Variants in AGBL1 observed in about 807,000 individuals in gnomAD.
AGBL1 encodes AGBL carboxypeptidase 1, also known as cytosolic carboxypeptidase 4.
In AGBL1, 130 loss-of-function variants were observed where a neutral mutation model predicts 118.9. That is an observed-to-expected ratio of 1.09 (90% confidence interval 0.95 to 1.26). The LOEUF (loss-of-function observed/expected upper bound fraction) is 1.26. AGBL1 is among the 50% of genes most tolerant of loss of function. AGBL1 has a pLI of 0.00. For synonymous variants in AGBL1, 555 were observed against 478.9 expected (o/e 1.16, Z -2.08); for missense variants, 1,584 against 1,298.1 (o/e 1.22, Z -3.38).
intron 23 of AGBL1, among the ~76,000 whole-genome samples, chr15:86,928,784 T>C (rs2080574363): frequency 6.6e-6 from 1 of 152,238 alleles, no homozygotes; most frequent in Admixed American, 6.5e-5. Context: ...AATTAAGTTG[T>C]CTCTCATATT....
chr15:86,228,297 A>G (rs2078399626), intron 6 of AGBL1, among the ~76,000 whole-genome samples: 1 of 152,168 alleles, frequency 6.6e-6, no homozygotes, highest in South Asian at 2.1e-4. Flanking sequence ...ACCATCTGGC[A>G]CTGATATCTG....
At chr15:86,564,335 C>A (rs4454938) in intron 21 of AGBL1, among the ~76,000 whole-genome samples, 93,117 of 151,640 alleles carry the variant, frequency 0.61, 28,896 homozygotes, top group East Asian at 0.89. Flanking sequence ...GGAGGTGACA[C>A]AATCTCTCAG....
intron 22 of AGBL1, among the ~76,000 whole-genome samples, chr15:86,879,838 A>T (rs1182609806): frequency 6.6e-6 from 1 of 152,166 alleles, no homozygotes; most frequent in African/African-American, 2.4e-5. Flanking sequence ...CAGCCACATC[A>T]TCTTTTGCCA....
At chr15:86,455,489 T>C (rs527353685) in intron 18 of AGBL1, among the ~76,000 whole-genome samples, 8 of 152,280 alleles carry the variant, frequency 5.3e-5, no homozygotes, top group Non-Finnish European at 1.2e-4. Flanking sequence ...TAATGTAAAA[T>C]TGTTATGATT....
At position 86,880,323 on chromosome 15, in the gene AGBL1, A is replaced by G. The variant is rs548843306; in HGVS notation, c.3159-26764A>G. Among the ~76,000 whole-genome samples the G allele has an allele frequency of 2.6e-5, 4 of 152,314 alleles. No homozygotes were observed. The South Asian group carries it at 8.3e-4, about 32-fold the overall frequency. On this transcript the variant is annotated intron_variant, in intron 22 of 22. Transcript: ENST00000614907. ...TGCAGACCCTTCACTGGGAGCTGCC[A>G]TTCATGTGAAATGCTATTCATAACT...
chr15:87,024,487 A>G (rs2081704442), intron 24 of AGBL1, among the ~76,000 whole-genome samples: 1 of 151,958 alleles, frequency 6.6e-6, no homozygotes, highest in Non-Finnish European at 1.5e-5. Flanking sequence ...TGGTAACGTA[A>G]AAATTACCAA....
At chr15:86,981,668 G>C (rs1192469067) in intron 23 of AGBL1, among the ~76,000 whole-genome samples, 2 of 151,844 alleles carry the variant, frequency 1.3e-5, no homozygotes, top group Non-Finnish European at 2.9e-5. Context: ...ACCTTTTTTT[G>C]AGTTTGAAAT....
chr15:87,020,345 C>A (rs1223847075), intron 24 of AGBL1, among the ~76,000 whole-genome samples: 1 of 152,098 alleles, frequency 6.6e-6, no homozygotes, highest in Non-Finnish European at 1.5e-5. Context: ...ACTGAAGGAA[C>A]ATACCTTAAA....
At chr15:86,875,019 C>G (rs543133028) in intron 22 of AGBL1, among the ~76,000 whole-genome samples, 2 of 152,052 alleles carry the variant, frequency 1.3e-5, no homozygotes, top group African/African-American at 4.8e-5. Flanking sequence ...TTTTGCAGTT[C>G]AGAAAACAAA....
intron 23 of AGBL1, among the ~76,000 whole-genome samples, chr15:86,957,416 T>C (rs1173058397): frequency 6.6e-6 from 1 of 152,060 alleles, no homozygotes; most frequent in Non-Finnish European, 1.5e-5. Context: ...TTTTCTCAGA[T>C]AGAGGTATGT....
rs372045551 is a variant in AGBL1 at position 86,256,872 on chromosome 15, G to T, written c.755G>T (p.Ser252Ile). The change falls in exon 8 of 23, where the codon AGC (serine) becomes ATC (isoleucine). Residue 252 changes from serine (S) to isoleucine (I), a missense_variant. Coordinates refer to ENST00000614907, the MANE Select transcript of AGBL1 (RefSeq NM_001386094.1). ...GCTCAGAACTGCCTGGATGACAAGAGCATGGAGCCCGTCATCTCTGTGGTG... is the reference window on the plus strand; with the variant it reads ...GCTCAGAACTGCCTGGATGACAAGATCATGGAGCCCGTCATCTCTGTGGTG... ...STTQNCLDDKSMEPVISVVLQ... is the reference protein window; with the variant it reads ...STTQNCLDDKIMEPVISVVLQ... The T allele has an allele frequency of 1.4e-5, 22 of 1,613,784 alleles. No homozygotes were observed. The South Asian group carries it at 2.4e-4, about 18-fold the overall frequency.
At chr15:86,770,746 G>T (rs1180389631) in intron 22 of AGBL1, among the ~76,000 whole-genome samples, 1 of 151,958 alleles carries the variant, frequency 6.6e-6, no homozygotes, top group African/African-American at 2.4e-5. Flanking sequence ...TTGATTTCCT[G>T]CTAGAGAACT....
intron 21 of AGBL1, among the ~76,000 whole-genome samples, chr15:86,641,120 T>C (rs2085182779): frequency 6.6e-6 from 1 of 152,146 alleles, no homozygotes; most frequent in Admixed American, 6.5e-5. Context: ...ACCTTTAGGC[T>C]ATCGTACTAC....
At chr15:86,894,154 T>C (rs2080090040) in intron 22 of AGBL1, among the ~76,000 whole-genome samples, 1 of 152,204 alleles carries the variant, frequency 6.6e-6, no homozygotes, top group Non-Finnish European at 1.5e-5. Flanking sequence ...TTCAGGTGTT[T>C]TCTCCATGTA....
At position 86,142,359 on chromosome 15, in the gene AGBL1, A is replaced by G. The variant is rs555145236; in HGVS notation, c.115+292A>G. ...GCCCTGCTCGCTTCCATTGTGACCT[A>G]TTTAAGAGAGCTGAGTATCAGAAGC... On this transcript the variant is annotated intron_variant, in intron 2 of 22. Coordinates refer to ENST00000614907, the MANE Select transcript of AGBL1 (RefSeq NM_001386094.1). Among the ~76,000 whole-genome samples, 11 of 152,242 alleles carry G rather than the reference A, an allele frequency of 7.2e-5. No individual in the cohort carries two copies. In the South Asian group the frequency reaches 8.3e-4, roughly 12 times the overall value.
intron 22 of AGBL1, among the ~76,000 whole-genome samples, chr15:86,887,787 C>T (rs903070325): frequency 4.6e-5 from 7 of 151,476 alleles, no homozygotes; most frequent in East Asian, 1.9e-4. Context: ...CAAAGGACTT[C>T]GACAATTCTC....
chr15:86,864,349 T>C (rs1231046462), intron 22 of AGBL1, among the ~76,000 whole-genome samples: 2 of 152,198 alleles, frequency 1.3e-5, no homozygotes, highest in Admixed American at 6.5e-5. Flanking sequence ...AGTTTTCCCA[T>C]CTACCAAAAA....
intron 17 of AGBL1, among the ~76,000 whole-genome samples, chr15:86,339,758 A>G (rs1335619552): frequency 6.6e-6 from 1 of 152,078 alleles, no homozygotes; most frequent in East Asian, 1.9e-4. Flanking sequence ...CACAAGGTCA[A>G]GAGATCAAGA....
intron 1 of AGBL1, among the ~76,000 whole-genome samples, chr15:86,081,354 TC>T (rs1382693882): frequency 6.6e-6 from 1 of 152,154 alleles, no homozygotes; most frequent in Non-Finnish European, 1.5e-5. Context: ...TTTCTCTGAT[TC>T]TTAAGAAGAT....
Sources: gnomAD v4.1 joint callset for allele counts (sites outside exome capture counted in the v4.1 genomes callset) on GRCh38, gnomAD v4.1.1 for gene constraint, MANE v1.5 for transcripts, NCBI Gene and HGNC (gene_info 2026-07-23, HGNC 2026-07-21) for gene names.